The following RHBDL2 variants were observed in gnomAD, a reference collection of about 807,000 sequenced individuals.
The protein encoded by RHBDL2 is rhomboid-related protein 2.
RHBDL2 carries 26 observed loss-of-function variants against 31.7 expected under a neutral mutation model. The observed-to-expected ratio is 0.82, with a 90% CI of 0.60 to 1.14. RHBDL2 has a LOEUF of 1.14. Ranked by LOEUF, RHBDL2 falls within the 50% of genes most tolerant of loss-of-function variation. The probability of loss-of-function intolerance (pLI) is 0.00; values close to 1 mark genes in which losing one functional copy is unlikely to be tolerated. For missense variants in RHBDL2, 336 were observed against 364.4 expected, an observed-to-expected ratio of 0.92 and a Z score of 0.63; for synonymous variants, 123 against 127.2, an observed-to-expected ratio of 0.97 and a Z score of 0.22.
intron 4 of RHBDL2, among the ~76,000 whole-genome samples, chr1:38,899,242 G>A (rs1319610903): frequency 6.6e-6 from 1 of 152,202 alleles, no homozygotes; most frequent in Non-Finnish European, 1.5e-5. Flanking sequence ...TACAAAGGAA[G>A]TGCAGCAAGG....
At chr1:38,908,123 A>G (rs1643090519) in intron 4 of RHBDL2, among the ~76,000 whole-genome samples, 2 of 151,472 alleles carry the variant, frequency 1.3e-5, no homozygotes, top group African/African-American at 4.8e-5. Flanking sequence ...ACATAAAAAG[A>G]TATTCAACAA....
chr1:38,908,609 C>T (rs1016799949), intron 4 of RHBDL2, among the ~76,000 whole-genome samples: 1 of 151,276 alleles, frequency 6.6e-6, no homozygotes, highest in African/African-American at 2.4e-5. Flanking sequence ...GCAGGGCGTG[C>T]GATGGGGGTG....
intron 3 of RHBDL2, 96 bp downstream of exon 3, chr1:38,915,466 G>T: frequency 7.9e-7 from 1 of 1,265,726 alleles, no homozygotes; most frequent in Non-Finnish European, 1.1e-6. Flanking sequence ...TTATGGACAT[G>T]AAAGTGCCTT....
Position 38,893,257 on chromosome 1 carries a change from T to C in RHBDL2, c.610-33A>G, listed in dbSNP as rs780342313. ...AGAGATAAATAATAATTATATAAGC[T>C]ATCTATGGACAAATGAAACCTCAAC... is the stretch of plus-strand genomic sequence containing the variant. On this transcript the variant is annotated intron_variant, in intron 5 of 7. Transcript: ENST00000372990. 60 of 1,067,848 alleles carry C rather than the reference T, an allele frequency of 5.6e-5. No individual in the cohort carries two copies. In the Middle Eastern group the frequency reaches 1.1e-3, roughly 20 times the overall value. 66.1% of individuals were successfully genotyped at this position (1,067,848 alleles called of 1,614,324 possible). A position where few individuals can be genotyped will look rare whatever the true frequency, so the allele number is the denominator to read the frequency against.
intron 4 of RHBDL2, among the ~76,000 whole-genome samples, chr1:38,905,094 G>T (rs182442134): frequency 1.9e-4 from 28 of 147,414 alleles, no homozygotes; most frequent in African/African-American, 6.5e-4. Flanking sequence ...CTCTCCAAAA[G>T]ATATTAAGAG....
At chr1:38,925,296 G>A (rs908937610) in intron 1 of RHBDL2, among the ~76,000 whole-genome samples, 1 of 150,900 alleles carries the variant, frequency 6.6e-6, no homozygotes, top group African/African-American at 2.4e-5. Context: ...TCAGGCGTTC[G>A]AGACCAGCCT....
intron 1 of RHBDL2, chr1:38,926,363 C>A: frequency 4.9e-6 from 1 of 202,482 alleles, no homozygotes; most frequent in Non-Finnish European, 8.8e-6. Context: ...CTGTCCTCAC[C>A]TATCTGGCTC....
chr1:38,934,916 C>T (rs2124355918), intron 1 of RHBDL2, among the ~76,000 whole-genome samples: 1 of 151,106 alleles, frequency 6.6e-6, no homozygotes, highest in African/African-American at 2.4e-5. Flanking sequence ...TGAGATCATG[C>T]CACTGCACTC....
chr1:38,924,782 CTTTTT>C (rs111244874), intron 1 of RHBDL2, among the ~76,000 whole-genome samples: 5 of 125,834 alleles, frequency 4.0e-5, no homozygotes, highest in Admixed American at 8.2e-5. Flanking sequence ...TTTCTTTTTT[CTTTTT>C]TTTTTTTTTT....
At position 38,911,348 on chromosome 1, in the gene RHBDL2, A is replaced by G; in HGVS notation, c.482T>C (p.Leu161Pro). The change falls in exon 4 of 8, where the codon CTG becomes CCG. Residue 161 changes from leucine (L) to proline (P), a missense_variant. Leu to Pro is a moderately conservative substitution (Grantham distance 98). Transcript: ENST00000372990. ...EMVHKGLRVG[L>P]VYLAGVIAGS... Reference sequence around the variant, plus strand: ...TGCAATCACTCCTGCCAGGTACACCAGCCCCACACGGAGGCCTTTGTGGAC... The same window carrying G: ...TGCAATCACTCCTGCCAGGTACACCGGCCCCACACGGAGGCCTTTGTGGAC... 1 of 1,613,600 alleles carries G rather than the reference A, an allele frequency of 6.2e-7. No homozygotes were observed. The highest frequency in any genetic ancestry group is 8.5e-7 in the Non-Finnish European group (1 of 1,179,564).
intron 1 of RHBDL2, chr1:38,929,407 G>C: frequency 7.8e-7 from 1 of 1,289,356 alleles, no homozygotes; most frequent in Non-Finnish European, 1.0e-6. Flanking sequence ...TCCCTTCTTC[G>C]CCTCACCCAG....
chr1:38,900,962 C>A (rs1040964559), intron 4 of RHBDL2, among the ~76,000 whole-genome samples: 1 of 151,858 alleles, frequency 6.6e-6, no homozygotes, highest in African/African-American at 2.4e-5. Context: ...GCAGGAGCAC[C>A]GCTTGAACCC....
At position 38,930,729 on chromosome 1, in the gene RHBDL2, C is replaced by G. The variant is rs183951051; in HGVS notation, c.-126+10953G>C. Among the ~76,000 whole-genome samples the G allele has an allele frequency of 1.1e-4, 17 of 152,312 alleles. No homozygotes were observed. In the East Asian group the frequency reaches 3.3e-3, roughly 29 times the overall value. On this transcript the variant is annotated intron_variant, in intron 1 of 7. Coordinates refer to ENST00000372990, the MANE Select transcript of RHBDL2 (RefSeq NM_017821.5). ...AAAACAGTGACCCTGAGCCACTTCC[C>G]CCTTAATTCAAGGACAGTTGGCCCA...
chr1:38,931,616 A>G (rs1319206248), intron 1 of RHBDL2, among the ~76,000 whole-genome samples: 2 of 152,032 alleles, frequency 1.3e-5, no homozygotes, highest in Non-Finnish European at 2.9e-5. Context: ...TTCAACTACC[A>G]GTGAATGCTT....
chr1:38,915,707 C>T lies in RHBDL2; in HGVS notation c.250G>A (p.Ala84Thr), dbSNP rs766720539. 3.7e-5 allele frequency: 59 copies of T among 1,613,978 alleles called. No individual in the cohort carries two copies. The highest frequency in any genetic ancestry group is 4.9e-5 in the Non-Finnish European group (58 of 1,180,032). The change falls in exon 3 of 8, where the codon GCA becomes ACA. Residue 84 changes from alanine to threonine, a missense_variant. Physicochemically the swap from Ala to Thr is moderately conservative, Grantham distance 58. Coordinates refer to ENST00000372990, the MANE Select transcript of RHBDL2 (RefSeq NM_017821.5). ...CACACAGCATAGTAAATAAACACTG[C>T]CAGCTGATGGAGGGAGCAGACATGA... ...FIISISLAELAVFIYYAVWKP... is the reference protein window; with the variant it reads ...FIISISLAELTVFIYYAVWKP...
intron 1 of RHBDL2, among the ~76,000 whole-genome samples, chr1:38,938,237 G>A (rs1038906628): frequency 6.6e-6 from 1 of 151,552 alleles, no homozygotes; most frequent in Admixed American, 6.6e-5. Flanking sequence ...GGCTGGTCTC[G>A]AACTCCTGAC....
intron 3 of RHBDL2, among the ~76,000 whole-genome samples, chr1:38,912,997 T>C (rs576657504): frequency 1.7e-4 from 25 of 146,832 alleles, no homozygotes; most frequent in African/African-American, 6.1e-4. Context: ...TTTTTTTTTT[T>C]CTTGAGACAG....
intron 1 of RHBDL2, among the ~76,000 whole-genome samples, chr1:38,919,610 CTT>C (rs1372817134): frequency 6.9e-6 from 1 of 145,664 alleles, no homozygotes; most frequent in Non-Finnish European, 1.5e-5. Context: ...TATATTTTTT[CTT>C]TTTTTTTTTA....
In RHBDL2 at chr1:38,890,281, A is replaced by T. The variant is rs544091254; in HGVS notation, c.671-2257T>A. 5.3e-5 allele frequency among the ~76,000 whole-genome samples: 8 copies of T among 152,234 alleles called. No homozygotes were observed. In the East Asian group the frequency reaches 1.5e-3, roughly 29 times the overall value. ...GTGATCCACCCGCCTCGGCTTCCTA[A>T]AGTGCTGCGATTACAGGCGTGAGCT... On this transcript the variant is annotated intron_variant, in intron 6 of 7. Transcript: ENST00000372990.
Sources: allele counts gnomAD v4.1 joint callset (sites outside exome capture counted in the v4.1 genomes callset), GRCh38; gene constraint gnomAD v4.1.1; transcripts MANE v1.5; gene names NCBI Gene and HGNC (gene_info 2026-07-23, HGNC 2026-07-21).